The following UGT8 variants were observed in gnomAD, a reference collection of about 807,000 sequenced individuals.
The protein encoded by UGT8 is UDP glycosyltransferase 8, also known as 2-hydroxyacylsphingosine 1-beta-galactosyltransferase.
UGT8 carries 12 observed loss-of-function variants against 40.5 expected under a neutral mutation model. That is an observed-to-expected ratio of 0.30 (90% CI 0.19 to 0.48). The LOEUF is 0.48. Among genes scored for constraint, UGT8 ranks in the 20% least tolerant of loss-of-function variants. The probability of loss-of-function intolerance (pLI) is 0.99; values close to 1 mark genes in which losing one functional copy is unlikely to be tolerated. For missense variants in UGT8, 513 were observed against 648.7 expected, an observed-to-expected ratio of 0.79 and a Z score of 2.27; for synonymous variants, 224 against 240.4, an observed-to-expected ratio of 0.93 and a Z score of 0.63.
rs1295817133 is a variant in UGT8 at position 114,668,098 on chromosome 4, T to G, written c.1056T>G (p.Ile352Met). Residue 352 changes from isoleucine to methionine, a missense_variant, in exon 5 of 6, where the codon ATT becomes ATG. Coordinates refer to ENST00000310836, the MANE Select transcript of UGT8 (RefSeq NM_001128174.3). Reference sequence around the variant, plus strand: ...ATCTTTCTTCAGGGCATTCAAAGATTAAAGCCTTCCTGAGCCATGGTGGTT... The same window carrying G: ...ATCTTTCTTCAGGGCATTCAAAGATGAAAGCCTTCCTGAGCCATGGTGGTT... ...PQNDLLGHSK[I>M]KAFLSHGGLN... 8.7e-6 allele frequency: 14 copies of G among 1,613,470 alleles called. No individual in the cohort carries two copies. Among genetic ancestry groups the G allele is most frequent in the Non-Finnish European group, 1.2e-5 (14 of 1,179,614 alleles).
chr4:114,660,378 G>T (rs1734442310), intron 2 of UGT8, among the ~76,000 whole-genome samples: 1 of 151,934 alleles, frequency 6.6e-6, no homozygotes, highest in Non-Finnish European at 1.5e-5. Context: ...ATTTGAATTT[G>T]TTTCTCTGAT....
chr4:114,629,090 A>G (rs1280130116), intron 2 of UGT8, among the ~76,000 whole-genome samples: 3 of 152,092 alleles, frequency 2.0e-5, no homozygotes, highest in Non-Finnish European at 1.5e-5. Flanking sequence ...TTGGGGGTAA[A>G]AGACTTGATC....
intron 3 of UGT8, 108 bp from the exon 4 acceptor site, chr4:114,665,569 TCAA>T: frequency 8.2e-7 from 1 of 1,218,462 alleles, no homozygotes; most frequent in South Asian, 2.3e-5. Context: ...CTTAAGAATA[TCAA>T]CAAAAGATCA....
intron 2 of UGT8, among the ~76,000 whole-genome samples, chr4:114,648,739 C>T (rs567944613): frequency 6.6e-6 from 1 of 152,130 alleles, no homozygotes; most frequent in Non-Finnish European, 1.5e-5. Context: ...ATTGTTTGTC[C>T]CTTCAAATAT....
chr4:114,622,104 C>A (rs1349382179), intron 1 of UGT8, among the ~76,000 whole-genome samples: 1 of 120,114 alleles, frequency 8.3e-6, no homozygotes, highest in African/African-American at 3.1e-5. Flanking sequence ...TCCCTCCCCC[C>A]TCCCCCCACC....
At chr4:114,642,157 C>G (rs901820633) in intron 2 of UGT8, among the ~76,000 whole-genome samples, 3 of 151,964 alleles carry the variant, frequency 2.0e-5, no homozygotes, top group African/African-American at 7.2e-5. Context: ...AGGTCAGATG[C>G]AGCAACGTGT....
intron 2 of UGT8, among the ~76,000 whole-genome samples, chr4:114,662,889 A>G (rs113294988): frequency 0.029 from 3,899 of 133,562 alleles, 188 homozygotes; most frequent in African/African-American, 0.1. Flanking sequence ...GCAGTGGCAC[A>G]GTCTTGGCTC....
At chr4:114,652,468 T>C (rs978397952) in intron 2 of UGT8, among the ~76,000 whole-genome samples, 1 of 151,864 alleles carries the variant, frequency 6.6e-6, no homozygotes, top group Admixed American at 6.6e-5. Flanking sequence ...TTTTAATAGG[T>C]CTTTTAAAAT....
intron 1 of UGT8, among the ~76,000 whole-genome samples, chr4:114,607,297 T>A (rs1348848558): frequency 1.3e-5 from 2 of 152,188 alleles, no homozygotes; most frequent in Admixed American, 6.5e-5. Flanking sequence ...GCTCACCACC[T>A]GCCTCATGTT....
intron 1 of UGT8, among the ~76,000 whole-genome samples, chr4:114,617,791 C>T (rs1731532454): frequency 6.6e-6 from 1 of 152,176 alleles, no homozygotes; most frequent in African/African-American, 2.4e-5. Flanking sequence ...TGACAGTAAA[C>T]ATCTGGGGAG....
At chr4:114,612,254 G>A (rs1005540116) in intron 1 of UGT8, among the ~76,000 whole-genome samples, 1 of 151,856 alleles carries the variant, frequency 6.6e-6, no homozygotes, top group Non-Finnish European at 1.5e-5. Flanking sequence ...GTTTATTTTG[G>A]TATACTTTGC....
At chr4:114,664,744 G>A (rs1734747082) in intron 3 of UGT8, among the ~76,000 whole-genome samples, 2 of 152,174 alleles carry the variant, frequency 1.3e-5, no homozygotes, top group Non-Finnish European at 2.9e-5. Context: ...GCCCAATGCT[G>A]AAAAATCAGA....
chr4:114,674,080 C>T (rs1053432114), intron 5 of UGT8, among the ~76,000 whole-genome samples: 1 of 152,144 alleles, frequency 6.6e-6, no homozygotes, highest in Non-Finnish European at 1.5e-5. Flanking sequence ...ATTGTTAAAA[C>T]TTAATGTTTA....
chr4:114,648,066 C>T (rs1733683802), intron 2 of UGT8, among the ~76,000 whole-genome samples: 2 of 152,150 alleles, frequency 1.3e-5, no homozygotes, highest in South Asian at 4.1e-4. Flanking sequence ...CTTAATTCAG[C>T]CTGCCTTCTG....
In UGT8 at chr4:114,665,950, G is replaced by A. The variant is rs1252091361; in HGVS notation, c.1042+194G>A. ...CAAAATTTTAAGTCTTTATTTATTG[G>A]AAAACAGTTTGTAAAATGTAAACCT... On this transcript the variant is annotated intron_variant, in intron 4 of 5. Transcript: ENST00000310836. Among the ~76,000 whole-genome samples, 4 of 151,690 alleles carry A rather than the reference G, an allele frequency of 2.6e-5. No individual in the cohort carries two copies. The East Asian group carries it at 7.7e-4, about 29-fold the overall frequency.
chr4:114,659,212 A>G (rs1734370122), intron 2 of UGT8, among the ~76,000 whole-genome samples: 1 of 152,246 alleles, frequency 6.6e-6, no homozygotes, highest in African/African-American at 2.4e-5. Context: ...TATATTATCC[A>G]TATTTCCTTA....
intron 1 of UGT8, among the ~76,000 whole-genome samples, chr4:114,610,909 G>A (rs1022696426): frequency 3.9e-5 from 6 of 152,074 alleles, no homozygotes; most frequent in African/African-American, 1.4e-4. Flanking sequence ...ATCTTAATTA[G>A]TGGGGGAAAT....
At position 114,673,000 on chromosome 4, in the gene UGT8, C is replaced by G. The variant is rs536596112; in HGVS notation, c.1263-2925C>G. Among the ~76,000 whole-genome samples the G allele has an allele frequency of 1.1e-4, 16 of 152,194 alleles. No individual in the cohort carries two copies. The East Asian group carries it at 2.9e-3, about 28-fold the overall frequency. On this transcript the variant is annotated intron_variant, in intron 5 of 5. Transcript: ENST00000310836. ...TTAGAAAGAAAGATGGAGAATCGATCATTATTAACTTCGCACATATCCAAC... is the reference window on the plus strand; with the variant it reads ...TTAGAAAGAAAGATGGAGAATCGATGATTATTAACTTCGCACATATCCAAC...
intron 5 of UGT8, among the ~76,000 whole-genome samples, chr4:114,670,881 G>A (rs1415218252): frequency 6.6e-6 from 1 of 152,172 alleles, no homozygotes; most frequent in African/African-American, 2.4e-5. Flanking sequence ...AATTGTCTCT[G>A]TTTGCAGATG....
Sources: allele counts gnomAD v4.1 joint callset (sites outside exome capture counted in the v4.1 genomes callset), GRCh38; gene constraint gnomAD v4.1.1; transcripts MANE v1.5; gene names NCBI Gene and HGNC (gene_info 2026-07-23, HGNC 2026-07-21).